Variants in TYW3 observed in about 807,000 individuals in gnomAD.
TYW3 encodes tRNA wybutosine-synthesizing protein 3 homolog.
In TYW3, 26 loss-of-function variants were observed where a neutral mutation model predicts 23.1. The ratio of observed to expected loss-of-function variants is 1.13; its 90% CI spans 0.83 to 1.56. The LOEUF is 1.56. Among genes scored for constraint, TYW3 ranks in the 40% most tolerant of loss-of-function variants. The pLI, the probability that TYW3 is intolerant of heterozygous loss-of-function variation, is 0.00. For missense variants in TYW3, 316 were observed against 311.9 expected (o/e 1.01, Z -0.10); for synonymous variants, 102 against 105.7 (o/e 0.97, Z 0.21).
At chr1:74,745,374 G>A (rs1648523139) in intron 3 of TYW3, among the ~76,000 whole-genome samples, 1 of 152,186 alleles carries the variant, frequency 6.6e-6, no homozygotes. Flanking sequence ...TTTACAGAGA[G>A]CTGATTGGTC....
At chr1:74,746,736 C>G (rs1376294163) in intron 3 of TYW3, among the ~76,000 whole-genome samples, 1 of 152,104 alleles carries the variant, frequency 6.6e-6, no homozygotes, top group Admixed American at 6.5e-5. Flanking sequence ...CAGGGGAGAG[C>G]TGCATTTAAA....
intron 5 of TYW3, among the ~76,000 whole-genome samples, chr1:74,753,441 T>C (rs3845357): frequency 0.39 from 59,777 of 152,112 alleles, 14,388 homozygotes; most frequent in Non-Finnish European, 0.55. Flanking sequence ...AGAACTTTTT[T>C]TGAAGCATTG....
At chr1:74,744,118 G>C (rs190543557) in intron 3 of TYW3, among the ~76,000 whole-genome samples, 1 of 152,236 alleles carries the variant, frequency 6.6e-6, no homozygotes, top group Admixed American at 6.5e-5. Flanking sequence ...ATTAGAGGAG[G>C]CTTATCATTA....
At chr1:74,745,431 T>A (rs950889470) in intron 3 of TYW3, among the ~76,000 whole-genome samples, 1 of 152,040 alleles carries the variant, frequency 6.6e-6, no homozygotes, top group African/African-American at 2.4e-5. Context: ...TGCTGATTGG[T>A]GCATCTACAA....
chr1:74,764,226 G>T lies in TYW3; in HGVS notation c.*113G>T. 1 of 884,614 alleles carries T rather than the reference G, an allele frequency of 1.1e-6. No individual in the cohort carries two copies. Among genetic ancestry groups the T allele is most frequent in the Non-Finnish European group, 1.7e-6 (1 of 584,148 alleles). The allele number at this position is 884,614 out of a possible 1,614,324, so 54.8% of individuals were successfully genotyped here. A position where few individuals can be genotyped will look rare whatever the true frequency, so the allele number is the denominator to read the frequency against. On this transcript the variant is annotated 3_prime_UTR_variant, in exon 6 of 6. Coordinates refer to ENST00000370867, the MANE Select transcript of TYW3 (RefSeq NM_138467.3). ...TATCAGCCATTCATAAGCCAGTAAT[G>T]ACAAGTGCAGAGCTTCAAACTATAA...
rs1352994112 is a variant in TYW3, at chr1:74,764,811, TC to T, written c.*699del. The T allele has an allele frequency of 1.3e-5, 2 of 151,958 alleles. No individual in the cohort carries two copies. The highest frequency in any genetic ancestry group is 4.8e-5 in the African/African-American group (2 of 41,372). The allele number at this position is 151,958 out of a possible 1,614,324, so 9.4% of individuals were successfully genotyped here. A position where few individuals can be genotyped will look rare whatever the true frequency, so the allele number is the denominator to read the frequency against. On this transcript the variant is annotated 3_prime_UTR_variant, in exon 6 of 6. Coordinates refer to ENST00000370867, the MANE Select transcript of TYW3 (RefSeq NM_138467.3). ...ATACAAGTTCACATGATGGGAAAAA[TC>T]AGAAAACCTCTCGCAGACAAAGGGT...
At chr1:74,735,486 C>T (rs545665185) in intron 1 of TYW3, among the ~76,000 whole-genome samples, 4 of 152,200 alleles carry the variant, frequency 2.6e-5, no homozygotes, top group South Asian at 2.1e-4. Flanking sequence ...TCTTACACCT[C>T]GTATTATGGT....
rs1005128027 is a variant in TYW3, at chr1:74,766,395, G to A, written c.*2282G>A. Reference sequence around the variant, plus strand: ...AGACCTTCCAGTGGTACAAGATGTGGAGGAGGAAGACAGTGATACTGAGGA... The same window carrying A: ...AGACCTTCCAGTGGTACAAGATGTGAAGGAGGAAGACAGTGATACTGAGGA... On this transcript the variant is annotated 3_prime_UTR_variant, in exon 6 of 6. Transcript: ENST00000370867. 1 of 152,122 alleles carries A rather than the reference G, an allele frequency of 6.6e-6. No individual in the cohort carries two copies. The highest frequency in any genetic ancestry group is 1.5e-5 in the Non-Finnish European group (1 of 68,014). The allele number at this position is 152,122 out of a possible 1,614,324, so 9.4% of individuals were successfully genotyped here.
chr1:74,756,766 G>A (rs1480294599), intron 5 of TYW3, among the ~76,000 whole-genome samples: 1 of 152,228 alleles, frequency 6.6e-6, no homozygotes, highest in African/African-American at 2.4e-5. Flanking sequence ...TGGGGAAAAT[G>A]TCTCTAGGGC....
chr1:74,738,893 C>T (rs1648254409), intron 3 of TYW3, 105 bp downstream of exon 3: 3 of 677,000 alleles, frequency 4.4e-6, no homozygotes, highest in Non-Finnish European at 7.2e-6. Flanking sequence ...CCTTATTCAA[C>T]TAGTTATGTA....
At chr1:74,733,657 G>A (rs1309738268) in intron 1 of TYW3, 1 of 717,748 alleles carries the variant, frequency 1.4e-6, no homozygotes, top group Non-Finnish European at 1.7e-6. Context: ...GTGTAGGGTA[G>A]GGCCTGATAC....
chr1:74,761,059 C>T (rs79317404), intron 5 of TYW3, among the ~76,000 whole-genome samples: 9,170 of 140,326 alleles, frequency 0.065, 346 homozygotes, highest in African/African-American at 0.091. Context: ...GTTGCCTGAA[C>T]ATACTTTTTT....
At chr1:74,759,794 C>T (rs543708554) in intron 5 of TYW3, among the ~76,000 whole-genome samples, 2 of 152,262 alleles carry the variant, frequency 1.3e-5, no homozygotes, top group Admixed American at 6.5e-5. Context: ...AGGCATGTAC[C>T]ACCAAGCCCA....
At chr1:74,760,593 T>C (rs190527786) in intron 5 of TYW3, among the ~76,000 whole-genome samples, 2 of 152,276 alleles carry the variant, frequency 1.3e-5, no homozygotes, top group East Asian at 3.9e-4. Flanking sequence ...ATCTTTTTCA[T>C]GGTGTGTTAA....
intron 1 of TYW3, among the ~76,000 whole-genome samples, chr1:74,733,898 T>G (rs1182781903): frequency 6.6e-6 from 1 of 152,202 alleles, no homozygotes; most frequent in Non-Finnish European, 1.5e-5. Flanking sequence ...TGCCTCCTAG[T>G]GAGCCCCTCC....
chr1:74,740,533 C>CA (rs1158681806), intron 3 of TYW3, among the ~76,000 whole-genome samples: 2 of 152,200 alleles, frequency 1.3e-5, no homozygotes, highest in East Asian at 3.9e-4. Context: ...GTCGCTTTTA[C>CA]AGACAGCTGA....
chr1:74,752,575 A>G, intron 5 of TYW3, 150 bp downstream of exon 5: 1 of 754,666 alleles, frequency 1.3e-6, no homozygotes, highest in Non-Finnish European at 2.0e-6. Flanking sequence ...TAATAAAAAG[A>G]TGATCAAAGT....
chr1:74,734,793 G>C (rs1457602841), intron 1 of TYW3, among the ~76,000 whole-genome samples: 1 of 152,174 alleles, frequency 6.6e-6, no homozygotes, highest in Non-Finnish European at 1.5e-5. Flanking sequence ...ATTTTGTGTG[G>C]AGAAAATAGG....
chr1:74,748,227 A>G (rs1648656045), intron 3 of TYW3, among the ~76,000 whole-genome samples: 2 of 152,202 alleles, frequency 1.3e-5, no homozygotes, highest in Non-Finnish European at 2.9e-5. Context: ...GCTGGAGAAA[A>G]TAAGGGACCC....
Sources: gnomAD v4.1 joint callset for allele counts (sites outside exome capture counted in the v4.1 genomes callset) on GRCh38, gnomAD v4.1.1 for gene constraint, MANE v1.5 for transcripts, NCBI Gene and HGNC (gene_info 2026-07-23, HGNC 2026-07-21) for gene names.